Variants in C3orf20 observed in about 807,000 individuals in gnomAD.
The protein encoded by C3orf20 is family with sequence similarity 149 member C.
Under a neutral mutation model 88.3 loss-of-function variants are expected in C3orf20, and 76 were observed. That is an observed-to-expected ratio of 0.86 (90% CI 0.72 to 1.04). The LOEUF is 1.04. C3orf20 is among the 50% of genes least tolerant of loss of function. The pLI is 0.00. For synonymous variants in C3orf20, 436 were observed against 437.4 expected, an observed-to-expected ratio of 1.00 and a Z score of 0.04; for missense variants, 1,056 against 1,123.3, an observed-to-expected ratio of 0.94 and a Z score of 0.86.
intron 7 of C3orf20, among the ~76,000 whole-genome samples, chr3:14,706,250 G>C (rs2033498488): frequency 6.6e-6 from 1 of 152,010 alleles, no homozygotes; most frequent in Admixed American, 6.6e-5. Flanking sequence ...ATCACACTCT[G>C]CTCGGCCCTG....
At position 14,721,700 on chromosome 3, in the gene C3orf20, A is replaced by G; in HGVS notation, c.1482A>G (p.Thr494=). Residue 494 remains threonine, a synonymous_variant, in exon 10 of 17, where the codon ACA becomes ACG. Transcript: ENST00000253697. ...AGGTACTGGGACAGGACTCCATCAC[A>G]GTCACCTTCACCTCCCTGAATGAGA... ...KLKVLGQDSI[T]VTFTSLNETV... 1 of 1,614,194 alleles carries G rather than the reference A, an allele frequency of 6.2e-7. No individual in the cohort carries two copies. The highest frequency in any genetic ancestry group is 1.1e-5 in the South Asian group (1 of 91,080).
chr3:14,727,152 G>A (rs114411048), intron 11 of C3orf20, 128 bp downstream of exon 11: 50 of 1,109,736 alleles, frequency 4.5e-5, no homozygotes, highest in Middle Eastern at 2.9e-4. Context: ...AATGTCCAGG[G>A]AAGTAGGCAT....
rs749109188 is a variant in C3orf20 at position 14,772,910 on chromosome 3, C to T, written c.*35C>T. On this transcript the variant is annotated 3_prime_UTR_variant, in exon 17 of 17. Transcript: ENST00000253697. This position sits in a 1 kb window ranked among gnomAD's most constrained non-coding sequence, Gnocchi z 4.2. ...GGCAGCAGCCAAGTGAGCCAGGCCCCGGCCCGGGGTGCTGGGGCTTCTTGC... is the reference window on the plus strand; with the variant it reads ...GGCAGCAGCCAAGTGAGCCAGGCCCTGGCCCGGGGTGCTGGGGCTTCTTGC... 8.3e-6 allele frequency: 13 copies of T among 1,559,004 alleles called. No individual in the cohort carries two copies. Among genetic ancestry groups the T allele is most frequent in the African/African-American group, 1.4e-5 (1 of 73,734 alleles).
Position 14,751,725 on chromosome 3 carries a change from T to C in C3orf20, c.1941-5646T>C, listed in dbSNP as rs1366733387. Reference sequence around the variant, plus strand: ...GAGCCAAATCATGAGTGAACTCCCATTCACAATTACTACCAAGAGAATAAA... The same window carrying C: ...GAGCCAAATCATGAGTGAACTCCCACTCACAATTACTACCAAGAGAATAAA... On this transcript the variant is annotated intron_variant, in intron 12 of 16. Transcript: ENST00000253697. Among the ~76,000 whole-genome samples, 4 of 152,030 alleles carry C rather than the reference T, an allele frequency of 2.6e-5. No individual in the cohort carries two copies. The East Asian group carries it at 7.7e-4, about 29-fold the overall frequency.
At chr3:14,731,817 G>A (rs529803595) in intron 12 of C3orf20, among the ~76,000 whole-genome samples, 2 of 152,294 alleles carry the variant, frequency 1.3e-5, no homozygotes, top group East Asian at 3.9e-4. Flanking sequence ...AAAGATAACA[G>A]CCTCAAGCCT....
chr3:14,700,256 TG>T (rs2033196497), intron 5 of C3orf20, among the ~76,000 whole-genome samples: 1 of 151,220 alleles, frequency 6.6e-6, no homozygotes, highest in Admixed American at 6.6e-5. Context: ...ACGCTTTTTT[TG>T]TGTAGGTAGT....
chr3:14,706,473 A>T (rs1357966487), intron 7 of C3orf20, among the ~76,000 whole-genome samples: 2 of 151,830 alleles, frequency 1.3e-5, no homozygotes, highest in Non-Finnish European at 2.9e-5. Flanking sequence ...GTATGATTAG[A>T]GCACAGCACC....
chr3:14,769,568 G>A (rs2035806268), intron 15 of C3orf20, among the ~76,000 whole-genome samples: 1 of 152,188 alleles, frequency 6.6e-6, no homozygotes, highest in Non-Finnish European at 1.5e-5. Context: ...GCAGGGGAGT[G>A]GGGAGGGCAC....
intron 9 of C3orf20, among the ~76,000 whole-genome samples, chr3:14,718,467 A>T (rs2124968383): frequency 6.6e-6 from 1 of 152,112 alleles, no homozygotes; most frequent in East Asian, 1.9e-4. Flanking sequence ...CCCTTACCTC[A>T]TCTAGTGTAG....
chr3:14,703,274 A>G lies in C3orf20; in HGVS notation c.878+12A>G, dbSNP rs779286980. On this transcript the variant is annotated intron_variant, in intron 6 of 16. Transcript: ENST00000253697. ...TTGTGTCGCCACATGTGAGCACCTC[A>G]GTGCTTGGGTCGGGGGAGTCAAGGG... The G allele has an allele frequency of 2.7e-5, 43 of 1,613,830 alleles. No individual in the cohort carries two copies. The highest frequency in any genetic ancestry group is 1.2e-4 in the Admixed American group (7 of 60,004).
chr3:14,697,921 A>G (rs944268154), intron 5 of C3orf20, among the ~76,000 whole-genome samples: 3 of 152,110 alleles, frequency 2.0e-5, no homozygotes, highest in Non-Finnish European at 4.4e-5. Flanking sequence ...GTATTCCATG[A>G]TGTATATGTG....
intron 12 of C3orf20, among the ~76,000 whole-genome samples, chr3:14,743,647 T>C (rs1450291410): frequency 3.3e-5 from 5 of 152,074 alleles, no homozygotes. Context: ...ACCTCACCCC[T>C]GCAGCAAACT....
chr3:14,691,398 A>G (rs1463973242), intron 5 of C3orf20, among the ~76,000 whole-genome samples: 1 of 152,232 alleles, frequency 6.6e-6, no homozygotes, highest in Non-Finnish European at 1.5e-5. Flanking sequence ...GGGAAAAGAA[A>G]GTACTCTCAA....
chr3:14,695,132 A>G (rs762593579), intron 5 of C3orf20, among the ~76,000 whole-genome samples: 2 of 152,096 alleles, frequency 1.3e-5, no homozygotes, highest in Non-Finnish European at 2.9e-5. Context: ...TAACAGCTAT[A>G]AATTTTCCTG....
intron 5 of C3orf20, among the ~76,000 whole-genome samples, chr3:14,695,944 TTTGA>T (rs2032977382): frequency 6.6e-6 from 1 of 152,090 alleles, no homozygotes; most frequent in Non-Finnish European, 1.5e-5. Flanking sequence ...CCCTATGTCG[TTTGA>T]TTGGAGAGTT....
intron 12 of C3orf20, among the ~76,000 whole-genome samples, chr3:14,729,637 C>T (rs1288832461): frequency 6.6e-6 from 1 of 152,208 alleles, no homozygotes; most frequent in Non-Finnish European, 1.5e-5. Flanking sequence ...ACCTCTGCCT[C>T]CCAGGTTCAA....
At chr3:14,712,853 C>A (rs2033804955) in intron 7 of C3orf20, among the ~76,000 whole-genome samples, 1 of 152,100 alleles carries the variant, frequency 6.6e-6, no homozygotes, top group Admixed American at 6.5e-5. Flanking sequence ...TGATTAACTT[C>A]CTCAATATTT....
chr3:14,755,772 GTAATCCC>G (rs1165929996), intron 12 of C3orf20, among the ~76,000 whole-genome samples: 1 of 152,208 alleles, frequency 6.6e-6, no homozygotes, highest in Non-Finnish European at 1.5e-5. Context: ...GCTCACGCCT[GTAATCCC>G]AGCACTTTGG....
chr3:14,752,440 G>A (rs2035247012), intron 12 of C3orf20, among the ~76,000 whole-genome samples: 1 of 152,146 alleles, frequency 6.6e-6, no homozygotes, highest in Non-Finnish European at 1.5e-5. Flanking sequence ...AAGACTTCGT[G>A]ACTAAAACAT....
Sources: allele counts gnomAD v4.1 joint callset (sites outside exome capture counted in the v4.1 genomes callset), GRCh38; gene constraint gnomAD v4.1.1; non-coding constraint Gnocchi (gnomAD v3.1); transcripts MANE v1.5; gene names NCBI Gene and HGNC (gene_info 2026-07-23, HGNC 2026-07-21).